The following COL21A1 variants were observed in gnomAD, a reference collection of about 807,000 sequenced individuals.
COL21A1 encodes the protein collagen type XXI alpha 1 chain.
COL21A1 carries 149 observed loss-of-function variants against 137.9 expected under a neutral mutation model. That is an observed-to-expected ratio of 1.08 (90% CI 0.95 to 1.24). The LOEUF (loss-of-function observed/expected upper bound fraction) is 1.24, where lower values mean the gene tolerates loss of function less well. Among genes scored for constraint, COL21A1 ranks in the 50% most tolerant of loss-of-function variants. The pLI, the probability that COL21A1 is intolerant of heterozygous loss-of-function variation, is 0.00. For synonymous variants in COL21A1, 456 were observed against 391.5 expected (o/e 1.16, Z -1.95); for missense variants, 1,167 against 1,158.4 (o/e 1.01, Z -0.11).
At chr6:56,102,773 G>T (rs544530697) in intron 16 of COL21A1, among the ~76,000 whole-genome samples, 120 of 152,172 alleles carry the variant, frequency 7.9e-4, no homozygotes, top group Non-Finnish European at 2.2e-4. Flanking sequence ...CATTTTATTA[G>T]AACTGTGAAA....
At chr6:56,290,800 AG>A (rs1562042029) in intron 1 of COL21A1, among the ~76,000 whole-genome samples, 1 of 152,106 alleles carries the variant, frequency 6.6e-6, no homozygotes, top group Non-Finnish European at 1.5e-5. Context: ...ACGCCCGGCC[AG>A]GAAGATTTTA....
intron 1 of COL21A1, among the ~76,000 whole-genome samples, chr6:56,313,016 T>A (rs963745503): frequency 6.6e-6 from 1 of 152,162 alleles, no homozygotes; most frequent in African/African-American, 2.4e-5. Context: ...ATAGCACATA[T>A]CTTTAATTGT....
chr6:56,181,048 A>G (rs1431848049), intron 2 of COL21A1, among the ~76,000 whole-genome samples: 1 of 152,164 alleles, frequency 6.6e-6, no homozygotes, highest in Non-Finnish European at 1.5e-5. Flanking sequence ...CTGACCTTCC[A>G]CAGTTAGGTT....
In COL21A1 at chr6:56,198,872, A is replaced by G. The variant is rs184217417; in HGVS notation, c.-38-16216T>C. Among the ~76,000 whole-genome samples, 14 of 152,302 alleles carry G rather than the reference A, an allele frequency of 9.2e-5. No individual in the cohort carries two copies. In the East Asian group the frequency reaches 1.5e-3, roughly 17 times the overall value. On this transcript the variant is annotated intron_variant, in intron 1 of 29. Coordinates refer to ENST00000244728, the MANE Select transcript of COL21A1 (RefSeq NM_030820.4). ...ATAACTATGGTGGCAGGAGTGAACTAAGATGGAAAATAATGGTTTCCCTCA... is the reference window on the plus strand; with the variant it reads ...ATAACTATGGTGGCAGGAGTGAACTGAGATGGAAAATAATGGTTTCCCTCA...
intron 1 of COL21A1, among the ~76,000 whole-genome samples, chr6:56,191,027 C>G (rs1478172256): frequency 6.6e-6 from 1 of 152,176 alleles, no homozygotes; most frequent in Non-Finnish European, 1.5e-5. Flanking sequence ...TGGAAGCATT[C>G]CCTTTGAAAA....
intron 1 of COL21A1, among the ~76,000 whole-genome samples, chr6:56,352,158 A>T (rs997045491): frequency 2.7e-5 from 4 of 146,278 alleles, no homozygotes; most frequent in Non-Finnish European, 6.2e-5. Context: ...TGATGCAAAA[A>T]ATCCATGATG....
At chr6:56,058,834 G>A (rs972937963) in intron 29 of COL21A1, among the ~76,000 whole-genome samples, 9 of 152,182 alleles carry the variant, frequency 5.9e-5, no homozygotes, top group Non-Finnish European at 1.0e-4. Flanking sequence ...TTACTTAACC[G>A]CTTCAGCATT....
At chr6:56,316,129 T>G (rs1196397828) in intron 1 of COL21A1, among the ~76,000 whole-genome samples, 2 of 152,218 alleles carry the variant, frequency 1.3e-5, no homozygotes, top group Non-Finnish European at 2.9e-5. Context: ...TGGTATACAA[T>G]ATGTTTTGAT....
chr6:56,129,275 C>A (rs1371038552), intron 12 of COL21A1, among the ~76,000 whole-genome samples: 1 of 151,756 alleles, frequency 6.6e-6, no homozygotes, highest in Non-Finnish European at 1.5e-5. Flanking sequence ...AAAGGGGGGC[C>A]TCTGTTATAT....
At chr6:56,176,074 C>T (rs1166310537) in intron 3 of COL21A1, among the ~76,000 whole-genome samples, 1 of 152,064 alleles carries the variant, frequency 6.6e-6, no homozygotes, top group Non-Finnish European at 1.5e-5. Context: ...CGGATATCCA[C>T]ATGCAAAAGA....
upstream of COL21A1, among the ~76,000 whole-genome samples, chr6:56,249,003 T>C (rs1782780636): frequency 6.6e-6 from 1 of 152,226 alleles, no homozygotes; most frequent in Non-Finnish European, 1.5e-5. Flanking sequence ...AATTAGATTC[T>C]TGTGTCCAGA....
At chr6:56,173,135 A>T (rs963601890) in intron 3 of COL21A1, among the ~76,000 whole-genome samples, 34 of 152,148 alleles carry the variant, frequency 2.2e-4, no homozygotes, top group Non-Finnish European at 7.4e-5. Context: ...ATCCAGCTAT[A>T]TACTATCTAT....
At chr6:56,243,697 A>G (rs1013765063) in intron 1 of COL21A1, among the ~76,000 whole-genome samples, 2 of 152,158 alleles carry the variant, frequency 1.3e-5, no homozygotes, top group Non-Finnish European at 2.9e-5. Flanking sequence ...TACTTCCCCA[A>G]TTTTACCAAT....
chr6:56,315,166 C>T lies in COL21A1; in HGVS notation c.-39+78805G>A, dbSNP rs944551376. 7.9e-5 allele frequency among the ~76,000 whole-genome samples: 12 copies of T among 152,292 alleles called. No individual in the cohort carries two copies. In the South Asian group the frequency reaches 2.5e-3, roughly 32 times the overall value. On this transcript the variant is annotated intron_variant, in intron 1 of 28. Coordinates refer to the COL21A1 transcript ENST00000370819. ...AGATGTCTGATTGTAAAACACAAGA[C>T]AGCTATATTCTGTTTCCTTTGAAGG...
intron 1 of COL21A1, among the ~76,000 whole-genome samples, chr6:56,201,222 A>T (rs1176825036): frequency 6.6e-6 from 1 of 152,176 alleles, no homozygotes; most frequent in Non-Finnish European, 1.5e-5. Flanking sequence ...TCAGATGAGT[A>T]GGCTGCAAAA....
intron 1 of COL21A1, among the ~76,000 whole-genome samples, chr6:56,297,907 A>G (rs1764197657): frequency 6.6e-6 from 1 of 152,018 alleles, no homozygotes; most frequent in South Asian, 2.1e-4. Flanking sequence ...TGGGGCCTCA[A>G]TTCTGCACTG....
At chr6:56,373,331 G>A (rs969620010) in intron 1 of COL21A1, among the ~76,000 whole-genome samples, 6 of 152,256 alleles carry the variant, frequency 3.9e-5, no homozygotes, top group Admixed American at 3.3e-4. Flanking sequence ...GCCAGGTGCA[G>A]TGGCTCATGC....
At chr6:56,117,988 A>T (rs2152201227) in intron 16 of COL21A1, among the ~76,000 whole-genome samples, 1 of 152,058 alleles carries the variant, frequency 6.6e-6, no homozygotes, top group East Asian at 1.9e-4. Flanking sequence ...AAGAGAAAAA[A>T]ACTTCAAATA....
At chr6:56,301,671 G>T (rs1342615659) in intron 1 of COL21A1, among the ~76,000 whole-genome samples, 1 of 151,910 alleles carries the variant, frequency 6.6e-6, no homozygotes. Context: ...CAACACAATA[G>T]CCACTAACCA....
Sources: allele counts gnomAD v4.1 joint callset (sites outside exome capture counted in the v4.1 genomes callset), GRCh38; gene constraint gnomAD v4.1.1; transcripts MANE v1.5; gene names NCBI Gene and HGNC (gene_info 2026-07-23, HGNC 2026-07-21).